Variants in CDH26 observed in about 807,000 individuals in gnomAD.
CDH26 encodes the protein cadherin-like protein 26.
A neutral mutation model predicts 90.3 loss-of-function variants in CDH26; 83 were observed. That is an observed-to-expected ratio of 0.92 (90% CI 0.77 to 1.10). The LOEUF is 1.10. Ranked by LOEUF, CDH26 falls within the 50% of genes least tolerant of loss-of-function variation. The pLI, the probability that CDH26 is intolerant of heterozygous loss-of-function variation, is 0.00. For missense variants in CDH26, 1,013 were observed against 1,037.6 expected (o/e 0.98, Z 0.33); for synonymous variants, 397 against 396.3 (o/e 1.00, Z -0.02).
At chr20:59,999,526 T>C in intron 13 of CDH26, 60 bp from the exon 14 acceptor site, 1 of 1,423,292 alleles carries the variant, frequency 7.0e-7, no homozygotes, top group Non-Finnish European at 9.9e-7. Context: ...TTCCTTCTGT[T>C]TTTATTTCTG....
In CDH26 at chr20:59,968,900, C is replaced by G. The variant is rs529078156; in HGVS notation, c.70-67C>G. 128 of 780,308 alleles carry G rather than the reference C, an allele frequency of 1.6e-4. 2 individuals are homozygous for G. The South Asian group carries it at 2.5e-3, about 15-fold the overall frequency. 48.3% of individuals were successfully genotyped at this position (780,308 alleles called of 1,614,324 possible). On this transcript the variant is annotated intron_variant, in intron 1 of 17. Coordinates refer to ENST00000348616, the MANE Select transcript of CDH26 (RefSeq NM_177980.4). ...TTTCTAATTCTAGATTTGTGCAACT[C>G]CAGGTGGTTTCCATGTGATTCTGGT...
At chr20:59,987,316 G>A in intron 7 of CDH26, 137 bp from the exon 8 acceptor site, 1 of 686,014 alleles carries the variant, frequency 1.5e-6, no homozygotes, top group East Asian at 2.8e-5. Flanking sequence ...AATATCCAGG[G>A]TGTTGTGATG....
In CDH26 at chr20:60,029,207, G is replaced by A. The variant is rs1440015857; in HGVS notation, c.948-2024G>A. 5.3e-5 allele frequency among the ~76,000 whole-genome samples: 8 copies of A among 152,158 alleles called. No homozygotes were observed. The East Asian group carries it at 1.4e-3, about 26-fold the overall frequency. On this transcript the variant is annotated intron_variant, in intron 7 of 8. Transcript: ENST00000370991. Reference sequence around the variant, plus strand: ...GAGATGGGGATCTGTTTGTCAACGGGTATAAAGTTACAGTTACATGAGAGG... The same window carrying A: ...GAGATGGGGATCTGTTTGTCAACGGATATAAAGTTACAGTTACATGAGAGG...
chr20:59,996,452 A>G (rs1000981295), intron 12 of CDH26, 179 bp from the exon 13 acceptor site: 9 of 1,601,504 alleles, frequency 5.6e-6, no homozygotes, highest in African/African-American at 4.0e-5. Flanking sequence ...ACAAACAGTT[A>G]TGTAGCATCT....
intron 1 of CDH26, among the ~76,000 whole-genome samples, chr20:59,967,885 C>CT (rs2061182917): frequency 8.7e-6 from 1 of 115,314 alleles, no homozygotes; most frequent in African/African-American, 4.9e-5. Context: ...TTCTTCCTTC[C>CT]TTCCTTCCTT....
At chr20:59,975,741 C>T (rs532944542) in intron 4 of CDH26, among the ~76,000 whole-genome samples, 54 of 152,270 alleles carry the variant, frequency 3.5e-4, no homozygotes, top group African/African-American at 1.3e-3. Flanking sequence ...CAAGATAGTA[C>T]ATTATTAAAA....
At chr20:59,967,348 G>C (rs2061162488) in intron 1 of CDH26, among the ~76,000 whole-genome samples, 1 of 152,124 alleles carries the variant, frequency 6.6e-6, no homozygotes, top group African/African-American at 2.4e-5. Context: ...AAAGCATTTT[G>C]CTATCAAATT....
chr20:59,977,645 C>A (rs1415238805), intron 4 of CDH26, among the ~76,000 whole-genome samples: 3 of 151,458 alleles, frequency 2.0e-5, no homozygotes, highest in Non-Finnish European at 4.4e-5. Context: ...GAACAGAAAG[C>A]ACAGTTCCCA....
intron 7 of CDH26, among the ~76,000 whole-genome samples, chr20:60,023,796 C>T (rs1350933015): frequency 2.0e-5 from 3 of 152,094 alleles, no homozygotes; most frequent in Admixed American, 6.5e-5. Context: ...CTATATCAGT[C>T]GTAGAAATGG....
At chr20:59,996,610 T>C (rs531555700) in intron 12 of CDH26, 21 bp from the exon 13 acceptor site, 4 of 1,614,248 alleles carry the variant, frequency 2.5e-6, no homozygotes, top group Middle Eastern at 1.6e-4. Flanking sequence ...TAATCTGTTT[T>C]TCCCCTTTGT....
At chr20:60,025,097 A>T (rs1340295225) in intron 7 of CDH26, among the ~76,000 whole-genome samples, 1 of 152,236 alleles carries the variant, frequency 6.6e-6, no homozygotes, top group African/African-American at 2.4e-5. Context: ...CAGGCCAAAA[A>T]GGCCTGGATC....
chr20:59,996,873 G>A (rs537880237), intron 13 of CDH26, 112 bp downstream of exon 13: 18 of 1,396,252 alleles, frequency 1.3e-5, no homozygotes, highest in Admixed American at 1.1e-4. Context: ...ACTCTTACCC[G>A]TGTTTCAGTA....
intron 17 of CDH26, among the ~76,000 whole-genome samples, chr20:60,008,037 G>A (rs560115449): frequency 1.9e-4 from 29 of 152,260 alleles, no homozygotes; most frequent in Admixed American, 1.4e-3. Flanking sequence ...CCACATGCTC[G>A]TGTCATGGAG....
chr20:59,994,306 G>C lies in CDH26; in HGVS notation c.1483G>C (p.Asp495His). The C allele has an allele frequency of 6.2e-7, 1 of 1,613,824 alleles. No homozygotes were observed. Among genetic ancestry groups the C allele is most frequent in the Non-Finnish European group, 8.5e-7 (1 of 1,179,982 alleles). ...AATGCTCTTCCTGTCTGACATCAATGACAACGTCCCGACTCTCCGGCCACG... is the reference window on the plus strand; with the variant it reads ...AATGCTCTTCCTGTCTGACATCAATCACAACGTCCCGACTCTCCGGCCACG... Reference protein sequence around the residue: ...TLMLFLSDINDNVPTLRPRSR... With the variant: ...TLMLFLSDINHNVPTLRPRSR... Residue 495 changes from aspartate to histidine, a missense_variant, in exon 11 of 18, where the codon GAC becomes CAC. Transcript: ENST00000348616.
Position 60,033,635 on chromosome 20 carries a change from G to T in CDH26, c.1294G>T (p.Glu432Ter). The change falls in exon 9 of 9, where the codon GAA becomes TAA. Residue 432 changes from glutamate to a stop codon, truncating the protein, a stop_gained. Transcript: ENST00000370991. LOFTEE classifies it high-confidence loss of function. ...ATGTTTCCCAGGAGACTACAGAGGA[G>T]AATCGGCAGGTGGTCACAATTGCAG... The T allele has an allele frequency of 7.7e-7, 1 of 1,304,860 alleles. No individual in the cohort carries two copies. The highest frequency in any genetic ancestry group is 1.2e-5 in the South Asian group (1 of 81,032). The allele number at this position is 1,304,860 out of a possible 1,614,324, so 80.8% of individuals were successfully genotyped here.
intron 1 of CDH26, among the ~76,000 whole-genome samples, chr20:59,968,427 T>A (rs2061206869): frequency 6.6e-6 from 1 of 152,160 alleles, no homozygotes. Flanking sequence ...AACAGTCTTG[T>A]ACATGTATTT....
chr20:60,018,702 C>CTTTTTT (rs55994712), downstream of CDH26, among the ~76,000 whole-genome samples: 34 of 17,812 alleles, frequency 1.9e-3, 4 homozygotes, highest in African/African-American at 3.4e-3. Context: ...CTCTTACTGC[C>CTTTTTT]TTTTTTTTTT....
At chr20:59,976,741 CTGCG>C (rs1357052004) in intron 4 of CDH26, among the ~76,000 whole-genome samples, 1 of 152,110 alleles carries the variant, frequency 6.6e-6, no homozygotes, top group Non-Finnish European at 1.5e-5. Flanking sequence ...GAGCACTGAC[CTGCG>C]CTAGACGTAG....
chr20:59,979,274 C>T (rs1000131931), intron 4 of CDH26, among the ~76,000 whole-genome samples: 2 of 149,020 alleles, frequency 1.3e-5, no homozygotes, highest in Non-Finnish European at 3.0e-5. Context: ...TCTTTGCTCA[C>T]TGCAACCTCC....
Sources: gnomAD v4.1 joint callset for allele counts (sites outside exome capture counted in the v4.1 genomes callset) on GRCh38, gnomAD v4.1.1 for gene constraint, MANE v1.5 for transcripts, NCBI Gene and HGNC (gene_info 2026-07-23, HGNC 2026-07-21) for gene names.